The following DMD variants were observed in gnomAD, a reference collection of about 807,000 sequenced individuals.
DMD encodes the protein mutant dystrophin.
In DMD, 63 loss-of-function variants were observed where a neutral mutation model predicts 330.1. The ratio of observed to expected loss-of-function variants is 0.19; its 90% CI spans 0.16 to 0.24. The LOEUF (loss-of-function observed/expected upper bound fraction) is 0.24. Among genes scored for constraint, DMD ranks in the 10% least tolerant of loss-of-function variants. The pLI is 1.00. For missense variants in DMD, 3,344 were observed against 2,684.1 expected (o/e 1.25, Z -5.43); for synonymous variants, 1,223 against 959.8 (o/e 1.27, Z -5.07).
intron 42 of DMD, among the ~76,000 whole-genome samples, chrX:32,289,891 C>T (rs752555229): frequency 8.9e-6 from 1 of 111,770 alleles, no homozygotes; most frequent in African/African-American, 3.2e-5. Context: ...GTCAAGCAGC[C>T]CATGCCACTG....
chrX:32,070,357 A>G (rs1055356073), intron 44 of DMD, among the ~76,000 whole-genome samples: 1 of 110,990 alleles, frequency 9.0e-6, no homozygotes, highest in South Asian at 3.8e-4. Flanking sequence ...GAAACCACCC[A>G]TGGGGTTTCT....
At chrX:33,320,842 C>T (rs1349572827) in intron 1 of DMD, among the ~76,000 whole-genome samples, 1 of 112,292 alleles carries the variant, frequency 8.9e-6, no homozygotes, top group Non-Finnish European at 1.9e-5. Flanking sequence ...ATTCTAAATC[C>T]TTTGTTGTCA....
intron 2 of DMD, among the ~76,000 whole-genome samples, chrX:33,008,417 A>G (rs2093439745): frequency 9.0e-6 from 1 of 110,893 alleles, no homozygotes; most frequent in African/African-American, 3.3e-5. Context: ...GAATCTTGGT[A>G]AGGTTAAAAA....
chrX:33,250,174 C>A (rs895684066), intron 1 of DMD, among the ~76,000 whole-genome samples: 5 of 100,811 alleles, frequency 5.0e-5, no homozygotes, highest in African/African-American at 7.7e-5. Flanking sequence ...GGTCCCCAAC[C>A]TTTTTGGCAC....
chrX:31,361,262 G>A (rs1170007708), intron 60 of DMD, among the ~76,000 whole-genome samples: 2 of 111,316 alleles, frequency 1.8e-5, no homozygotes, highest in Non-Finnish European at 3.8e-5. Flanking sequence ...CATTTACCAG[G>A]ACTTAAATCT....
At chrX:31,891,283 G>T (rs1485988541) in intron 47 of DMD, among the ~76,000 whole-genome samples, 1 of 111,273 alleles carries the variant, frequency 9.0e-6, no homozygotes, top group African/African-American at 3.3e-5. Flanking sequence ...CTGGCCAGAA[G>T]AGAAGAGAGC....
chrX:31,554,305 C>T (rs2074673264), intron 55 of DMD, among the ~76,000 whole-genome samples: 1 of 111,983 alleles, frequency 8.9e-6, no homozygotes, highest in African/African-American at 3.2e-5. Flanking sequence ...CCACAAAAGT[C>T]TGATATCATT....
At chrX:31,529,891 T>C (rs1386834220) in intron 55 of DMD, among the ~76,000 whole-genome samples, 7 of 95,773 alleles carry the variant, frequency 7.3e-5, no homozygotes, top group Non-Finnish European at 1.4e-4. Flanking sequence ...GAAAGAAAGA[T>C]TTCTTTAAAA....
chrX:32,458,853 T>C (rs919148362), intron 25 of DMD, among the ~76,000 whole-genome samples: 2 of 111,639 alleles, frequency 1.8e-5, no homozygotes, highest in Non-Finnish European at 3.8e-5. Context: ...TTCAGTTTTA[T>C]TTTTGCTATT....
At chrX:32,733,618 A>G (rs748196078) in intron 7 of DMD, among the ~76,000 whole-genome samples, 34 of 111,434 alleles carry the variant, frequency 3.1e-4, no homozygotes, top group African/African-American at 8.2e-4. Context: ...CTCACTCAAA[A>G]CCGCTCAACT....
intron 44 of DMD, among the ~76,000 whole-genome samples, chrX:32,050,940 G>A (rs923573346): frequency 3.0e-5 from 3 of 100,028 alleles, no homozygotes; most frequent in East Asian, 3.3e-4. Context: ...CTTGAAATAT[G>A]TATTTCATTT....
chrX:32,357,718 T>G (rs180674717), intron 37 of DMD, among the ~76,000 whole-genome samples: 4 of 108,289 alleles, frequency 3.7e-5, no homozygotes, highest in African/African-American at 1.4e-4. Flanking sequence ...CAAGAACTCT[T>G]CATTGCATAC....
intron 43 of DMD, among the ~76,000 whole-genome samples, chrX:32,285,567 C>A (rs2097437058): frequency 9.0e-6 from 1 of 111,590 alleles, no homozygotes; most frequent in Non-Finnish European, 1.9e-5. Flanking sequence ...GCATGAGCCA[C>A]CATTTTATAA....
In DMD at chrX:32,442,160, C is replaced by T. The variant is rs773707958; in HGVS notation, c.3787-846G>A. Among the ~76,000 whole-genome samples, 6 of 109,501 alleles carry T rather than the reference C, an allele frequency of 5.5e-5. No homozygotes were observed. Among genetic ancestry groups the T allele is most frequent in the Non-Finnish European group, 1.2e-4 (6 of 52,172 alleles). ...GTAAGACATCTCGTAAAAAACTGAC[C>T]GTAAGAAAAAAGAGATGAATACATT... On this transcript the variant is annotated intron_variant, in intron 27 of 78. Coordinates refer to ENST00000357033, the MANE Select transcript of DMD (RefSeq NM_004006.3).
chrX:31,810,953 C>G (rs779669991), intron 50 of DMD, among the ~76,000 whole-genome samples: 29 of 111,721 alleles, frequency 2.6e-4, no homozygotes, highest in Non-Finnish European at 5.1e-4. Context: ...AGTAAGTTTA[C>G]TGTAATTAAC....
At chrX:31,794,702 T>C (rs769669935) in intron 50 of DMD, among the ~76,000 whole-genome samples, 12 of 109,561 alleles carry the variant, frequency 1.1e-4, no homozygotes, top group Non-Finnish European at 2.1e-4. Flanking sequence ...TATTGTATTA[T>C]GATAAGCTAG....
intron 7 of DMD, among the ~76,000 whole-genome samples, chrX:32,730,917 C>G (rs774393499): frequency 3.6e-5 from 4 of 111,520 alleles, no homozygotes; most frequent in Non-Finnish European, 7.5e-5. Flanking sequence ...GCCAAGATGG[C>G]CGAATAGGAA....
intron 4 of DMD, among the ~76,000 whole-genome samples, chrX:32,832,310 A>G (rs972229999): frequency 4.5e-5 from 5 of 111,706 alleles, no homozygotes; most frequent in Non-Finnish European, 7.6e-5. Context: ...GATTTCCTTA[A>G]ACAGAATCTT....
At chrX:32,462,574 C>A (rs982897515) in intron 25 of DMD, among the ~76,000 whole-genome samples, 1 of 110,147 alleles carries the variant, frequency 9.1e-6, no homozygotes, top group African/African-American at 3.4e-5. Context: ...AAATGAGAAA[C>A]TCAAATATGA....
Sources: gnomAD v4.1 joint callset for allele counts (sites outside exome capture counted in the v4.1 genomes callset) on GRCh38, gnomAD v4.1.1 for gene constraint, MANE v1.5 for transcripts, NCBI Gene and HGNC (gene_info 2026-07-23, HGNC 2026-07-21) for gene names.